The following NPR3 variants were observed in gnomAD, a reference collection of about 807,000 sequenced individuals.
The protein encoded by NPR3 is natriuretic peptide receptor 3.
A neutral mutation model predicts 54.5 loss-of-function variants in NPR3; 34 were observed. The observed-to-expected ratio is 0.62, with a 90% CI of 0.47 to 0.83. The LOEUF (loss-of-function observed/expected upper bound fraction) is 0.83, where lower values mean the gene tolerates loss of function less well. Among genes scored for constraint, NPR3 ranks in the 40% least tolerant of loss-of-function variants. NPR3 has a pLI of 0.00. For synonymous variants in NPR3, 289 were observed against 297.1 expected, an observed-to-expected ratio of 0.97 and a Z score of 0.28; for missense variants, 674 against 720.8, an observed-to-expected ratio of 0.94 and a Z score of 0.74.
chr5:32,782,384 C>T (rs1190648063), intron 5 of NPR3, among the ~76,000 whole-genome samples: 1 of 152,024 alleles, frequency 6.6e-6, no homozygotes, highest in Non-Finnish European at 1.5e-5. Flanking sequence ...TTGGGCCTTA[C>T]AATTGGCTGA....
chr5:32,716,668 A>G lies in NPR3; in HGVS notation c.769+4123A>G, dbSNP rs536390553. ...TAGTTCAGTATTCAGTATAAATATT[A>G]TCATTACTTTCTAAATGATATTTAA... On this transcript the variant is annotated intron_variant, in intron 1 of 7. Coordinates refer to ENST00000265074, the MANE Select transcript of NPR3 (RefSeq NM_001204375.2). 173 of 172,914 alleles carry G rather than the reference A, an allele frequency of 1.0e-3. 1 individual carries two copies. Among genetic ancestry groups the G allele is most frequent in the African/African-American group, 4.1e-3 (171 of 41,914 alleles). The allele number at this position is 172,914 out of a possible 1,614,324, so 10.7% of individuals were successfully genotyped here.
intron 3 of NPR3, among the ~76,000 whole-genome samples, chr5:32,751,280 A>G (rs1167679705): frequency 6.6e-6 from 1 of 152,174 alleles, no homozygotes; most frequent in Non-Finnish European, 1.5e-5. Flanking sequence ...AGAGAGAAAA[A>G]GGTGAAAAAT....
chr5:32,749,273 G>A (rs891697601), intron 3 of NPR3, among the ~76,000 whole-genome samples: 1 of 151,804 alleles, frequency 6.6e-6, no homozygotes, highest in Non-Finnish European at 1.5e-5. Flanking sequence ...GTTGAGATAA[G>A]GTTTTTTCCT....
intron 3 of NPR3, among the ~76,000 whole-genome samples, chr5:32,756,798 A>G (rs1160940445): frequency 6.6e-6 from 1 of 152,198 alleles, no homozygotes; most frequent in African/African-American, 2.4e-5. Flanking sequence ...TAAGGAAGTG[A>G]TCCAGTTTCA....
chr5:32,745,794 T>G (rs1174829899), intron 3 of NPR3, among the ~76,000 whole-genome samples: 1 of 152,230 alleles, frequency 6.6e-6, no homozygotes, highest in Non-Finnish European at 1.5e-5. Flanking sequence ...CTCTTCATCC[T>G]CAGTGACCTG....
chr5:32,712,773 C>A (rs1738330934), intron 1 of NPR3, among the ~76,000 whole-genome samples: 1 of 152,208 alleles, frequency 6.6e-6, no homozygotes, highest in African/African-American at 2.4e-5. Context: ...GAGGAGAGGG[C>A]GTCTGTAGCT....
At chr5:32,731,094 T>C (rs1256853299) in intron 2 of NPR3, among the ~76,000 whole-genome samples, 1 of 152,246 alleles carries the variant, frequency 6.6e-6, no homozygotes, top group Non-Finnish European at 1.5e-5. Flanking sequence ...CGTGATGTTG[T>C]GTCCCTCTCA....
intron 2 of NPR3, among the ~76,000 whole-genome samples, chr5:32,732,589 T>C (rs1473320952): frequency 1.3e-5 from 2 of 152,166 alleles, no homozygotes; most frequent in Non-Finnish European, 1.5e-5. Flanking sequence ...TTCCACAGAC[T>C]CTGAAGCACC....
intron 2 of NPR3, among the ~76,000 whole-genome samples, chr5:32,735,056 G>C (rs1337939976): frequency 3.9e-5 from 6 of 152,046 alleles, no homozygotes; most frequent in African/African-American, 1.4e-4. Flanking sequence ...CATGTCTGGC[G>C]AGGCAGCCCC....
chr5:32,697,161 A>G lies in NPR3; in HGVS notation c.100+7975A>G, dbSNP rs188199639. On this transcript the variant is annotated intron_variant, in intron 1 of 5. Transcript: ENST00000509104. ...GTTGACATATGTTCCTTCTATACTC[A>G]GATTTTTGAGGGCTTTTTAAATTGT... Among the ~76,000 whole-genome samples, 3 of 152,234 alleles carry G rather than the reference A, an allele frequency of 2.0e-5. No individual in the cohort carries two copies. The East Asian group carries it at 5.8e-4, about 29-fold the overall frequency.
chr5:32,751,540 A>G (rs1341028446), intron 3 of NPR3, among the ~76,000 whole-genome samples: 1 of 152,180 alleles, frequency 6.6e-6, no homozygotes, highest in Admixed American at 6.5e-5. Flanking sequence ...GGGTGATTTT[A>G]TAACCTTGGA....
At chr5:32,746,468 C>T (rs1034030495) in intron 3 of NPR3, among the ~76,000 whole-genome samples, 3 of 152,208 alleles carry the variant, frequency 2.0e-5, no homozygotes, top group South Asian at 2.1e-4. Flanking sequence ...GGATAGGGTA[C>T]GACAACATCG....
chr5:32,714,394 G>A (rs934056075), intron 1 of NPR3, among the ~76,000 whole-genome samples: 1 of 145,394 alleles, frequency 6.9e-6, no homozygotes, highest in African/African-American at 2.5e-5. Flanking sequence ...GCAGTGCCCT[G>A]GTGGGCCTGG....
chr5:32,715,094 G>T (rs1738478716), intron 1 of NPR3, among the ~76,000 whole-genome samples: 1 of 152,138 alleles, frequency 6.6e-6, no homozygotes, highest in African/African-American at 2.4e-5. Flanking sequence ...TTACCCCAAG[G>T]GTGAGGCCAT....
In NPR3 at chr5:32,756,238, G is replaced by A. The variant is rs561426332; in HGVS notation, c.1059+17208G>A. 2.1e-3 allele frequency among the ~76,000 whole-genome samples: 322 copies of A among 152,260 alleles called. 3 individuals are homozygous for A. The highest frequency in any genetic ancestry group is 7.3e-3 in the African/African-American group (302 of 41,552). On this transcript the variant is annotated intron_variant, in intron 3 of 7. Coordinates refer to ENST00000265074, the MANE Select transcript of NPR3 (RefSeq NM_001204375.2). ...CCACCAACAGTGTAAAAGTGTTCCA[G>A]TTTCTCCACATCCTCTCCAGCACCT... is the stretch of plus-strand genomic sequence containing the variant.
chr5:32,711,933 A>G lies in NPR3; in HGVS notation c.157A>G (p.Ile53Val), dbSNP rs749467577. ...GAGAGAGGCGCTGCCGCCACAGAAGATCGAGGTGCTGGTGTTACTGCCCCA... is the reference window on the plus strand; with the variant it reads ...GAGAGAGGCGCTGCCGCCACAGAAGGTCGAGGTGCTGGTGTTACTGCCCCA... ...QEREALPPQK[I>V]EVLVLLPQDD... The change falls in exon 1 of 8, where the codon ATC (isoleucine) becomes GTC (valine). Residue 53 changes from isoleucine to valine, a missense_variant. By Grantham distance (29) the Ile-to-Val change is conservative. Coordinates refer to ENST00000265074, the MANE Select transcript of NPR3 (RefSeq NM_001204375.2). 6.6e-7 allele frequency: 1 copy of G among 1,522,164 alleles called. No homozygotes were observed. Among genetic ancestry groups the G allele is most frequent in the African/African-American group, 1.4e-5 (1 of 71,832 alleles). The allele number at this position is 1,522,164 out of a possible 1,614,324, so 94.3% of individuals were successfully genotyped here. A position where few individuals can be genotyped will look rare whatever the true frequency, so the allele number is the denominator to read the frequency against.
upstream of NPR3, chr5:32,710,859 G>GTTTTT (rs56022335): frequency 8.0e-5 from 78 of 979,684 alleles, no homozygotes; most frequent in African/African-American, 8.9e-4. Context: ...CCCAGTCCTG[G>GTTTTT]TTTTTTTTTT....
chr5:32,783,915 C>T lies in NPR3; in HGVS notation c.1427-881C>T, dbSNP rs138644556. The stretch of plus-strand genomic sequence containing the variant: ...TACACAAGATAACACATTGAAGGGC[C>T]GCGTACTAAACTCTAGATACAAGTT... On this transcript the variant is annotated intron_variant, in intron 6 of 7. Coordinates refer to ENST00000265074, the MANE Select transcript of NPR3 (RefSeq NM_001204375.2). Among the ~76,000 whole-genome samples, 900 of 152,208 alleles carry T rather than the reference C, an allele frequency of 5.9e-3. 5 individuals carry two copies. Among genetic ancestry groups the T allele is most frequent in the Middle Eastern group, 0.01 (3 of 294 alleles).
chr5:32,711,395 T>C lies in NPR3; in HGVS notation c.-382T>C, dbSNP rs1738214492. The C allele has an allele frequency of 6.0e-6, 6 of 1,005,348 alleles. No homozygotes were observed. The South Asian group carries it at 1.4e-4, about 23-fold the overall frequency. The allele number at this position is 1,005,348 out of a possible 1,614,324, so 62.3% of individuals were successfully genotyped here. On this transcript the variant is annotated 5_prime_UTR_variant, in exon 1 of 8. Coordinates refer to ENST00000265074, the MANE Select transcript of NPR3 (RefSeq NM_001204375.2). ...AACACTTGGACAAGTCTAACTTTTTTTTTCTTCTACAAAAACGCTTTCAAA... is the reference window on the plus strand; with the variant it reads ...AACACTTGGACAAGTCTAACTTTTTCTTTCTTCTACAAAAACGCTTTCAAA...
Sources: allele counts gnomAD v4.1 joint callset (sites outside exome capture counted in the v4.1 genomes callset), GRCh38; gene constraint gnomAD v4.1.1; transcripts MANE v1.5; gene names NCBI Gene and HGNC (gene_info 2026-07-23, HGNC 2026-07-21).